DSCAML1: variants seen among roughly 807,000 people sequenced by gnomAD.
DSCAML1 encodes DS cell adhesion molecule like 1.
Under a neutral mutation model 200.5 loss-of-function variants are expected in DSCAML1, and 38 were observed. That is an observed-to-expected ratio of 0.19 (90% CI 0.15 to 0.25). The LOEUF is 0.25. DSCAML1 is among the 10% of genes least tolerant of loss of function. DSCAML1 has a pLI of 1.00. For synonymous variants in DSCAML1, 1,215 were observed against 1,165.0 expected, an observed-to-expected ratio of 1.04 and a Z score of -0.87; for missense variants, 2,223 against 2,858.8, an observed-to-expected ratio of 0.78 and a Z score of 5.07.
chr11:117,654,064 A>T (rs2052686285), intron 3 of DSCAML1, among the ~76,000 whole-genome samples: 1 of 152,234 alleles, frequency 6.6e-6, no homozygotes, highest in Non-Finnish European at 1.5e-5. Context: ...CCTTCAAAAC[A>T]TTATGCTAAG....
intron 3 of DSCAML1, among the ~76,000 whole-genome samples, chr11:117,659,885 A>C (rs2052807947): frequency 8.0e-6 from 1 of 124,536 alleles, no homozygotes; most frequent in Non-Finnish European, 1.7e-5. Context: ...GGCCTAGCTA[A>C]ATTTTTTTTT....
intron 3 of DSCAML1, among the ~76,000 whole-genome samples, chr11:117,774,181 G>A (rs1343377813): frequency 6.6e-6 from 1 of 152,128 alleles, no homozygotes; most frequent in Non-Finnish European, 1.5e-5. Flanking sequence ...AGATTCCTCT[G>A]GAATTCTTCC....
chr11:117,651,310 T>A (rs560858966), intron 3 of DSCAML1, among the ~76,000 whole-genome samples: 76 of 152,296 alleles, frequency 5.0e-4, no homozygotes, highest in African/African-American at 1.7e-3. Context: ...CTTTGTCCAG[T>A]GGCCCCAGCC....
chr11:117,751,941 G>A (rs1352383387), intron 3 of DSCAML1, among the ~76,000 whole-genome samples: 3 of 152,192 alleles, frequency 2.0e-5, no homozygotes, highest in South Asian at 2.1e-4. Flanking sequence ...TCTCATAGGC[G>A]CTAATTACCA....
At chr11:117,458,667 C>A in intron 19 of DSCAML1, 87 bp downstream of exon 19, 1 of 1,521,482 alleles carries the variant, frequency 6.6e-7, no homozygotes, top group Non-Finnish European at 8.9e-7. Flanking sequence ...GGACAGTACC[C>A]TGCTCTCACC....
chr11:117,754,283 C>T (rs535422422), intron 3 of DSCAML1, among the ~76,000 whole-genome samples: 21 of 152,286 alleles, frequency 1.4e-4, no homozygotes, highest in Admixed American at 8.5e-4. Flanking sequence ...TCATTAAATC[C>T]GACACCAGGG....
At chr11:117,580,720 CT>C (rs1485139558) in intron 3 of DSCAML1, among the ~76,000 whole-genome samples, 1 of 152,126 alleles carries the variant, frequency 6.6e-6, no homozygotes, top group Non-Finnish European at 1.5e-5. Flanking sequence ...TTCTTTCCTG[CT>C]TTTTTGCAAC....
At chr11:117,536,694 G>A (rs533334699) in intron 3 of DSCAML1, among the ~76,000 whole-genome samples, 1 of 152,188 alleles carries the variant, frequency 6.6e-6, no homozygotes, top group Non-Finnish European at 1.5e-5. Context: ...ACAGAGCTAC[G>A]TTTAAATGCT....
intron 3 of DSCAML1, among the ~76,000 whole-genome samples, chr11:117,666,769 A>C (rs553312824): frequency 6.6e-6 from 1 of 152,280 alleles, no homozygotes; most frequent in South Asian, 2.1e-4. Context: ...AGAGGGCTAT[A>C]AGCCTTGATC....
chr11:117,803,826 G>A (rs2055683881), intron 1 of DSCAML1, among the ~76,000 whole-genome samples: 2 of 152,212 alleles, frequency 1.3e-5, no homozygotes, highest in Non-Finnish European at 2.9e-5. Flanking sequence ...CAAGGCCCAG[G>A]CCCATGGTGG....
At chr11:117,481,121 G>A in intron 13 of DSCAML1, 53 bp downstream of exon 13, 7 of 1,537,108 alleles carry the variant, frequency 4.6e-6, no homozygotes, top group Middle Eastern at 1.7e-4. Context: ...GTTAGCGGTG[G>A]GCCCCTGGGC....
chr11:117,526,541 CAG>C lies in DSCAML1; in HGVS notation c.659-1460_659-1459del, dbSNP rs200467386. ...TATTTTTATTTTTATTTTTTTGAGA[CAG>C]AGTCTCACTCTGTCACCCAGGCTGG... On this transcript the variant is annotated intron_variant, in intron 4 of 32. Coordinates refer to ENST00000651296, the MANE Select transcript of DSCAML1 (RefSeq NM_020693.4). Among the ~76,000 whole-genome samples, 1,038 of 152,074 alleles carry C rather than the reference CAG, an allele frequency of 6.8e-3. 11 individuals carry two copies. The highest frequency in any genetic ancestry group is 0.023 in the African/African-American group (949 of 41,490).
chr11:117,710,574 A>G (rs920164862), intron 3 of DSCAML1, among the ~76,000 whole-genome samples: 2 of 152,186 alleles, frequency 1.3e-5, no homozygotes, highest in Non-Finnish European at 2.9e-5. Context: ...TCAGCTCTGC[A>G]CCTTACAACC....
intron 3 of DSCAML1, among the ~76,000 whole-genome samples, chr11:117,739,488 A>C (rs2054382588): frequency 6.6e-6 from 1 of 152,252 alleles, no homozygotes; most frequent in Admixed American, 6.5e-5. Context: ...AGATAAAAGG[A>C]CTTTAATCCC....
chr11:117,428,856 A>T, intron 32 of DSCAML1, 53 bp from the exon 33 acceptor site: 1 of 1,495,978 alleles, frequency 6.7e-7, no homozygotes, highest in Non-Finnish European at 9.0e-7. Flanking sequence ...CTCTGGAAGC[A>T]GCTCGTTCAG....
In DSCAML1 at chr11:117,517,490, C is replaced by T. The variant is rs1037937169; in HGVS notation, c.1511-751G>A. On this transcript the variant is annotated intron_variant, in intron 7 of 32. Transcript: ENST00000651296. ...GGCCCAACTGGGAAATCTTCCAGGG[C>T]CCGACTGGGAAATCTTCCAGGGCCC... Among the ~76,000 whole-genome samples, 18 of 152,142 alleles carry T rather than the reference C, an allele frequency of 1.2e-4. 1 individual carries two copies. The highest frequency in any genetic ancestry group is 4.8e-5 in the African/African-American group (2 of 41,420).
intron 24 of DSCAML1, 152 bp downstream of exon 24, chr11:117,438,733 C>G: frequency 1.5e-6 from 1 of 683,086 alleles, no homozygotes. Flanking sequence ...TTGCAGTTCC[C>G]TTGGCACTTG....
At chr11:117,697,307 T>C (rs2053600558) in intron 3 of DSCAML1, among the ~76,000 whole-genome samples, 1 of 152,248 alleles carries the variant, frequency 6.6e-6, no homozygotes, top group East Asian at 1.9e-4. Flanking sequence ...ATATTGGTCC[T>C]GCCCTGTCGC....
intron 3 of DSCAML1, among the ~76,000 whole-genome samples, chr11:117,715,203 C>A (rs4255570): frequency 2.6e-5 from 4 of 151,936 alleles, no homozygotes; most frequent in African/African-American, 9.7e-5. Flanking sequence ...AGAAGCACTG[C>A]CTTCTCCCGG....
Sources: allele counts gnomAD v4.1 joint callset (sites outside exome capture counted in the v4.1 genomes callset), GRCh38; gene constraint gnomAD v4.1.1; transcripts MANE v1.5; gene names NCBI Gene and HGNC (gene_info 2026-07-23, HGNC 2026-07-21).